HIF3A: variants seen among roughly 807,000 people sequenced by gnomAD.
HIF3A encodes hypoxia inducible factor 3 subunit alpha.
In HIF3A, 41 loss-of-function variants were observed where a neutral mutation model predicts 67.2. The ratio of observed to expected loss-of-function variants is 0.61; its 90% CI spans 0.48 to 0.79. The LOEUF (loss-of-function observed/expected upper bound fraction) is 0.79. Ranked by LOEUF, HIF3A falls within the 30% of genes least tolerant of loss-of-function variation. The pLI is 0.00. For synonymous variants in HIF3A, 356 were observed against 374.8 expected (o/e 0.95, Z 0.58); for missense variants, 855 against 898.0 (o/e 0.95, Z 0.61).
chr19:46,327,754 G>A (rs1000929955), intron 11 of HIF3A, among the ~76,000 whole-genome samples: 2 of 152,152 alleles, frequency 1.3e-5, no homozygotes, highest in Non-Finnish European at 2.9e-5. Context: ...TAATTTGCTA[G>A]AAGTGTTCAT....
rs1353187369 is a variant in HIF3A at position 46,308,215 on chromosome 19, T to C, written c.364-6T>C. 5.0e-6 allele frequency: 8 copies of C among 1,610,790 alleles called. No homozygotes were observed. In the East Asian group the frequency reaches 1.8e-4, roughly 36 times the overall value. ...GGTAGACCCCCACCCCTCTCATCCC[T>C]GGCAGCTGGAGCTCATTGGACACAG... On this transcript the variant is annotated splice_region_variant and splice_polypyrimidine_tract_variant and intron_variant, in intron 3 of 14. Transcript: ENST00000377670.
chr19:46,297,343 C>T lies in HIF3A; in HGVS notation c.26+241C>T, dbSNP rs1054279457. Among the ~76,000 whole-genome samples, 1 of 152,272 alleles carries T rather than the reference C, an allele frequency of 6.6e-6. No individual in the cohort carries two copies. The highest frequency in any genetic ancestry group is 1.9e-4 in the East Asian group (1 of 5,166). ...AGAGCGGCTTCGGGGTTCCCGATTT[C>T]TCGCTACCCAAGGCTCATTTACCCT... is the stretch of plus-strand genomic sequence containing the variant. On this transcript the variant is annotated intron_variant, in intron 1 of 14. Coordinates refer to ENST00000377670, the MANE Select transcript of HIF3A (RefSeq NM_152795.4). This position sits in a 1 kb window ranked among gnomAD's most constrained non-coding sequence, Gnocchi z 4.5.
intron 8 of HIF3A, among the ~76,000 whole-genome samples, chr19:46,319,272 T>A (rs1407951774): frequency 6.6e-6 from 1 of 152,164 alleles, no homozygotes; most frequent in Non-Finnish European, 1.5e-5. Context: ...CCAGCCTAAA[T>A]TGGGATGTTT....
Position 46,297,071 on chromosome 19 carries a change from C to T in HIF3A, c.-6C>T, listed in dbSNP as rs1481007331. On this transcript the variant is annotated 5_prime_UTR_variant, in exon 1 of 15. Transcript: ENST00000377670. The surrounding 1 kb of genome is among the most constrained non-coding windows in gnomAD (Gnocchi z 4.5). ...CCGAGGGCTCCGGAGCGGCGACTGG[C>T]GAGCCATGGCGCTGGGGCTGCAGCG... 7.7e-7 allele frequency: 1 copy of T among 1,306,518 alleles called. No individual in the cohort carries two copies. Among genetic ancestry groups the T allele is most frequent in the African/African-American group, 1.5e-5 (1 of 66,050 alleles). The allele number at this position is 1,306,518 out of a possible 1,614,324, so 80.9% of individuals were successfully genotyped here. A position where few individuals can be genotyped will look rare whatever the true frequency, so the allele number is the denominator to read the frequency against.
intron 14 of HIF3A, among the ~76,000 whole-genome samples, chr19:46,338,695 G>A (rs546210517): frequency 2.2e-4 from 34 of 152,106 alleles, no homozygotes; most frequent in Non-Finnish European, 7.3e-5. Context: ...TTATTAGCCC[G>A]TCTTACAGAT....
chr19:46,309,398 G>C lies in HIF3A; in HGVS notation c.770+39G>C. Reference sequence around the variant, plus strand: ...CCCTCTTCCGTCTGCCCAAGTTCAAGTGCTGTTTCCCTCCCCACCTCCACA... The same window carrying C: ...CCCTCTTCCGTCTGCCCAAGTTCAACTGCTGTTTCCCTCCCCACCTCCACA... On this transcript the variant is annotated intron_variant, in intron 6 of 14. Coordinates refer to ENST00000377670, the MANE Select transcript of HIF3A (RefSeq NM_152795.4). 2.1e-6 allele frequency: 3 copies of C among 1,438,704 alleles called. No individual in the cohort carries two copies. The South Asian group carries it at 3.8e-5, about 18-fold the overall frequency. The allele number at this position is 1,438,704 out of a possible 1,614,324, so 89.1% of individuals were successfully genotyped here.
intron 1 of HIF3A, among the ~76,000 whole-genome samples, chr19:46,298,065 CA>C (rs1967997863): frequency 6.6e-6 from 1 of 152,082 alleles, no homozygotes; most frequent in South Asian, 2.1e-4. Flanking sequence ...TTTATCTGGC[CA>C]TGTTCCCATG....
intron 13 of HIF3A, among the ~76,000 whole-genome samples, chr19:46,332,626 A>C (rs1486983189): frequency 6.6e-6 from 1 of 152,238 alleles, no homozygotes; most frequent in Non-Finnish European, 1.5e-5. Context: ...TCTAGTGCTT[A>C]CAGCAGTGCC....
chr19:46,324,459 C>T (rs1387340590), intron 10 of HIF3A, among the ~76,000 whole-genome samples: 2 of 152,168 alleles, frequency 1.3e-5, no homozygotes, highest in Non-Finnish European at 2.9e-5. Flanking sequence ...AGACTGTGAC[C>T]TTTGACCTCA....
At chr19:46,320,685 C>A in intron 9 of HIF3A, 124 bp downstream of exon 9, 1 of 683,212 alleles carries the variant, frequency 1.5e-6, no homozygotes, top group Non-Finnish European at 2.5e-6. Flanking sequence ...TCCCTGCGCA[C>A]TCAGCCTCCA....
At chr19:46,325,168 T>C (rs888615292) in intron 10 of HIF3A, among the ~76,000 whole-genome samples, 1 of 151,580 alleles carries the variant, frequency 6.6e-6, no homozygotes, top group African/African-American at 2.4e-5. Context: ...AGCTAATTTT[T>C]GTACTTTTAG....
intron 12 of HIF3A, among the ~76,000 whole-genome samples, chr19:46,330,225 A>G (rs989849464): frequency 6.6e-6 from 1 of 152,094 alleles, no homozygotes; most frequent in African/African-American, 2.4e-5. Flanking sequence ...TACTTATTAA[A>G]TGAGGGAGGG....
intron 3 of HIF3A, 91 bp downstream of exon 3, chr19:46,305,481 G>A (rs1968761986): frequency 8.0e-7 from 1 of 1,245,604 alleles, no homozygotes; most frequent in African/African-American, 1.5e-5. Context: ...CTACCTTTAT[G>A]GGACTCACAA....
rs1164916455 is a variant in HIF3A, at chr19:46,305,247, G to A, written c.220G>A (p.Glu74Lys). 2 of 1,613,874 alleles carry A rather than the reference G, an allele frequency of 1.2e-6. No individual in the cohort carries two copies. The highest frequency in any genetic ancestry group is 2.7e-5 in the African/African-American group (2 of 74,924). Reference protein sequence around the residue: ...LRMHRLCAAGEWNQVGAGGEP... With the variant: ...LRMHRLCAAGKWNQVGAGGEP... Reference sequence around the variant, plus strand: ...CATCCCCCTGCCCCGGGCACCAGGGGAGTGGAACCAGGTGGGAGCAGGGGG... The same window carrying A: ...CATCCCCCTGCCCCGGGCACCAGGGAAGTGGAACCAGGTGGGAGCAGGGGG... Residue 74 changes from glutamate (E) to lysine (K), a missense_variant and splice_region_variant, in exon 3 of 15, where the codon GAG (glutamate) becomes AAG (lysine). This residue lies in a region of HIF3A where 638 missense variants were observed against 660.5 expected (regional missense o/e 0.97). Coordinates refer to ENST00000377670, the MANE Select transcript of HIF3A (RefSeq NM_152795.4).
intron 6 of HIF3A, among the ~76,000 whole-genome samples, chr19:46,310,271 T>C (rs1307433390): frequency 1.3e-5 from 2 of 151,810 alleles, no homozygotes; most frequent in African/African-American, 4.8e-5. Flanking sequence ...GGCATATTCC[T>C]TTAGTCCCAG....
intron 11 of HIF3A, 38 bp from the exon 12 acceptor site, chr19:46,329,169 C>A: frequency 6.4e-7 from 1 of 1,552,558 alleles, no homozygotes; most frequent in South Asian, 1.2e-5. Flanking sequence ...CACCCAAGTC[C>A]AAGGCTCATC....
At chr19:46,312,930 G>A in intron 8 of HIF3A, 1 of 799,424 alleles carries the variant, frequency 1.3e-6, no homozygotes, top group Non-Finnish European at 1.5e-6. Context: ...CTCTGCTTAA[G>A]TGGATTGTTA....
intron 3 of HIF3A, among the ~76,000 whole-genome samples, chr19:46,307,076 C>T (rs746290142): frequency 1.3e-5 from 2 of 149,598 alleles, no homozygotes; most frequent in Non-Finnish European, 3.0e-5. Flanking sequence ...GCCATAAGGC[C>T]ACCTCACTTG....
rs1469550737 is a variant in HIF3A at position 46,304,302 on chromosome 19, C to A, written c.217+214C>A. 3 of 587,422 alleles carry A rather than the reference C, an allele frequency of 5.1e-6. No homozygotes were observed. The Admixed American group carries it at 9.0e-5, about 18-fold the overall frequency. The allele number at this position is 587,422 out of a possible 1,614,324, so 36.4% of individuals were successfully genotyped here. A position where few individuals can be genotyped will look rare whatever the true frequency, so the allele number is the denominator to read the frequency against. ...TCCTGGCCTGCTGGGAGTCCCGCCCCCCTCGAAGTCTATCACTTGTGAGGC... is the reference window on the plus strand; with the variant it reads ...TCCTGGCCTGCTGGGAGTCCCGCCCACCTCGAAGTCTATCACTTGTGAGGC... On this transcript the variant is annotated intron_variant, in intron 2 of 14. Coordinates refer to ENST00000377670, the MANE Select transcript of HIF3A (RefSeq NM_152795.4).
Sources: allele counts gnomAD v4.1 joint callset (sites outside exome capture counted in the v4.1 genomes callset), GRCh38; gene constraint gnomAD v4.1.1; regional missense constraint gnomAD v4.1.1; non-coding constraint Gnocchi (gnomAD v3.1); transcripts MANE v1.5; gene names NCBI Gene and HGNC (gene_info 2026-07-23, HGNC 2026-07-21).